The following CARD10 variants were observed in gnomAD, a reference collection of about 807,000 sequenced individuals.
CARD10 encodes the protein caspase recruitment domain-containing protein 10.
A neutral mutation model predicts 114.6 loss-of-function variants in CARD10; 49 were observed. The observed-to-expected ratio is 0.43, with a 90% CI of 0.34 to 0.54. The LOEUF (loss-of-function observed/expected upper bound fraction) is 0.54. CARD10 is among the 20% of genes least tolerant of loss of function. The pLI, the probability that CARD10 is intolerant of heterozygous loss-of-function variation, is 0.03. For synonymous variants in CARD10, 602 were observed against 593.2 expected, an observed-to-expected ratio of 1.01 and a Z score of -0.21; for missense variants, 1,206 against 1,397.2, an observed-to-expected ratio of 0.86 and a Z score of 2.18.
At chr22:37,516,722 C>A (rs1432500892) in intron 2 of CARD10, among the ~76,000 whole-genome samples, 1 of 152,138 alleles carries the variant, frequency 6.6e-6, no homozygotes, top group Non-Finnish European at 1.5e-5. Context: ...AACCTATCAA[C>A]AATAATTACA....
rs1219096640 is a variant in CARD10 at position 37,492,697 on chromosome 22, C to A, written c.2582G>T (p.Arg861Leu). The change falls in exon 17 of 20, where the codon CGT becomes CTT. Residue 861 changes from arginine (R) to leucine (L), a missense_variant. This residue lies in a region of CARD10 where 1,068 missense variants were observed against 1,179.1 expected (regional missense o/e 0.91). Transcript: ENST00000251973. The surrounding 1 kb of genome is among the most constrained non-coding windows in gnomAD (Gnocchi z 5.7). ...LPECLAPRLI[R>L]NLLDLPSSRL... ...GGAGCTGGGCAGGTCTAGCAGGTTA[C>A]GGATGAGCCGGGGCGCCAGGCACTC... is the stretch of plus-strand genomic sequence containing the variant. The A allele has an allele frequency of 6.2e-7, 1 of 1,613,106 alleles. No individual in the cohort carries two copies. The highest frequency in any genetic ancestry group is 8.5e-7 in the Non-Finnish European group (1 of 1,179,920).
At chr22:37,494,294 TC>T in intron 15 of CARD10, 106 bp from the exon 16 acceptor site, 1 of 727,174 alleles carries the variant, frequency 1.4e-6, no homozygotes, top group African/African-American at 1.8e-5. Flanking sequence ...GCCACTGTGG[TC>T]CAGGCTTGCC....
chr22:37,515,950 C>T lies in CARD10; in HGVS notation c.699+23G>A, dbSNP rs541890067. On this transcript the variant is annotated intron_variant, in intron 3 of 19. Coordinates refer to ENST00000251973, the MANE Select transcript of CARD10 (RefSeq NM_014550.4). ...AAAGCTGCCCCTTCCCTTGCCTCCC[C>T]GACCCATCTCCCCAGGGCCTACCGC... 9.8e-6 allele frequency: 15 copies of T among 1,530,040 alleles called. No individual in the cohort carries two copies. In the Admixed American group the frequency reaches 2.3e-4, roughly 23 times the overall value. 94.8% of individuals were successfully genotyped at this position (1,530,040 alleles called of 1,614,324 possible).
Position 37,492,019 on chromosome 22 carries a change from A to G in CARD10, c.2752-152T>C, listed in dbSNP as rs371834304. On this transcript the variant is annotated intron_variant, in intron 18 of 19. Transcript: ENST00000251973. This position sits in a 1 kb window ranked among gnomAD's most constrained non-coding sequence, Gnocchi z 5.7. ...ACCCTGGCAACGAGGAAGGAGCCCA[A>G]AAGTACAGACAAGAGGCCTGGGCTC... 4.8e-4 allele frequency: 305 copies of G among 641,024 alleles called. 3 individuals carry two copies. In the African/African-American group the frequency reaches 5.1e-3, roughly 11 times the overall value. 39.7% of individuals were successfully genotyped at this position (641,024 alleles called of 1,614,324 possible). A position where few individuals can be genotyped will look rare whatever the true frequency, so the allele number is the denominator to read the frequency against.
chr22:37,505,292 C>A (rs909379841), intron 7 of CARD10, among the ~76,000 whole-genome samples: 3 of 151,938 alleles, frequency 2.0e-5, no homozygotes, highest in South Asian at 2.1e-4. Context: ...AAAAAAAAGT[C>A]TTGGATTAAT....
chr22:37,504,517 G>T, intron 8 of CARD10, 118 bp downstream of exon 8: 1 of 1,411,644 alleles, frequency 7.1e-7, no homozygotes, highest in Non-Finnish European at 9.4e-7. Flanking sequence ...AAAGTACTTG[G>T]CCTCCCTGCG....
chr22:37,495,614 T>C (rs1922974220), intron 14 of CARD10, 28 bp from the exon 15 acceptor site: 1 of 1,612,490 alleles, frequency 6.2e-7, no homozygotes, highest in South Asian at 1.1e-5. Flanking sequence ...ATCATGTGTG[T>C]AGAAAGAAGG....
chr22:37,506,893 C>A (rs963189966), intron 6 of CARD10, among the ~76,000 whole-genome samples: 1 of 152,194 alleles, frequency 6.6e-6, no homozygotes, highest in African/African-American at 2.4e-5. Context: ...TTCCTGGGGC[C>A]CACCCCAGAC....
chr22:37,508,092 G>A lies in CARD10; in HGVS notation c.1066-138C>T. The A allele has an allele frequency of 5.2e-5, 52 of 990,710 alleles. No homozygotes were observed. In the South Asian group the frequency reaches 7.7e-4, roughly 15 times the overall value. The allele number at this position is 990,710 out of a possible 1,614,324, so 61.4% of individuals were successfully genotyped here. On this transcript the variant is annotated intron_variant, in intron 5 of 19. Transcript: ENST00000251973. ...ATAACAAGTCCCCTCCTGCCCAGTG[G>A]AGTGGTCTGAGCCACTGACTTTACC...
intron 3 of CARD10, among the ~76,000 whole-genome samples, chr22:37,513,531 A>G (rs1217025524): frequency 6.6e-6 from 1 of 152,054 alleles, no homozygotes; most frequent in Admixed American, 6.5e-5. Context: ...CTGTCCCAGC[A>G]GCCCCCAGAT....
At chr22:37,511,183 G>C (rs1040996265) in intron 3 of CARD10, among the ~76,000 whole-genome samples, 1 of 151,168 alleles carries the variant, frequency 6.6e-6, no homozygotes, top group Non-Finnish European at 1.5e-5. Context: ...GTGAGACCTC[G>C]TCTCGACAAA....
chr22:37,512,522 G>C (rs961225480), intron 3 of CARD10, among the ~76,000 whole-genome samples: 2 of 116,986 alleles, frequency 1.7e-5, no homozygotes, highest in African/African-American at 5.7e-5. Context: ...CACACACACG[G>C]GTCTGGAGGC....
chr22:37,492,377 A>G lies in CARD10; in HGVS notation c.2751+58T>C. 7.8e-7 allele frequency: 1 copy of G among 1,290,126 alleles called. No homozygotes were observed. The highest frequency in any genetic ancestry group is 2.3e-5 in the East Asian group (1 of 42,600). 79.9% of individuals were successfully genotyped at this position (1,290,126 alleles called of 1,614,324 possible). ...AGACGCTGGCGCTCAAGCCCAGAAC[A>G]GCAGCACCCGCTCTGGGCCACCTCT... On this transcript the variant is annotated intron_variant, in intron 18 of 19. Transcript: ENST00000251973. The surrounding 1 kb of genome is among the most constrained non-coding windows in gnomAD (Gnocchi z 5.7).
intron 3 of CARD10, among the ~76,000 whole-genome samples, chr22:37,512,955 A>G (rs1923712975): frequency 6.6e-6 from 1 of 152,162 alleles, no homozygotes; most frequent in Non-Finnish European, 1.5e-5. Context: ...ACACCTGCCT[A>G]TGGGAGGTGG....
intron 7 of CARD10, among the ~76,000 whole-genome samples, chr22:37,505,372 C>A (rs1923369734): frequency 6.6e-6 from 1 of 152,066 alleles, no homozygotes; most frequent in Non-Finnish European, 1.5e-5. Context: ...CACTGTCAGG[C>A]AACTCAAAAT....
In CARD10 at chr22:37,495,749, C is replaced by T; in HGVS notation, c.2303+11G>A. The T allele has an allele frequency of 6.2e-7, 1 of 1,613,612 alleles. No homozygotes were observed. The highest frequency in any genetic ancestry group is 8.5e-7 in the Non-Finnish European group (1 of 1,179,852). On this transcript the variant is annotated intron_variant, in intron 14 of 19. Transcript: ENST00000251973. ...GGGGGACCCCATCCCCAGCTCCTGGCTCTGCGTCACCTCTGATAATTGGGC... is the reference window on the plus strand; with the variant it reads ...GGGGGACCCCATCCCCAGCTCCTGGTTCTGCGTCACCTCTGATAATTGGGC...
rs763212830 is a variant in CARD10, at chr22:37,495,888, G to A, written c.2175C>T (p.Cys725=). ...GTCGAAGGATCTCTTGGGCTTTCAC[G>A]CAAAGGGCATGGGGATCTGCCCTCT... ...LPERADPHAL[C]VKAQEILRLV... The change falls in exon 14 of 20, where the codon TGC becomes TGT. Residue 725 remains cysteine (C), a synonymous_variant. Coordinates refer to ENST00000251973, the MANE Select transcript of CARD10 (RefSeq NM_014550.4). The A allele has an allele frequency of 1.3e-5, 21 of 1,614,032 alleles. No homozygotes were observed. Among genetic ancestry groups the A allele is most frequent in the South Asian group, 7.7e-5 (7 of 91,094 alleles).
At chr22:37,491,424 G>C in intron 19 of CARD10, 31 bp from the exon 20 acceptor site, 1 of 1,421,020 alleles carries the variant, frequency 7.0e-7, no homozygotes, top group South Asian at 1.4e-5. Context: ...AGCGGTCAAA[G>C]TGGGGGACCA....
intron 9 of CARD10, 189 bp downstream of exon 9, chr22:37,503,997 C>T: frequency 1.4e-6 from 1 of 713,406 alleles, no homozygotes; most frequent in Non-Finnish European, 2.6e-6. Flanking sequence ...TCGGCCTTAT[C>T]TTAAGCCTGA....
Sources: gnomAD v4.1 joint callset for allele counts (sites outside exome capture counted in the v4.1 genomes callset) on GRCh38, gnomAD v4.1.1 for gene constraint, gnomAD v4.1.1 regional missense constraint, Gnocchi (gnomAD v3.1) non-coding constraint, MANE v1.5 for transcripts, NCBI Gene and HGNC (gene_info 2026-07-23, HGNC 2026-07-21) for gene names.